The following CALN1 variants were observed in gnomAD, a reference collection of about 807,000 sequenced individuals.
The protein encoded by CALN1 is calneuron 1.
A neutral mutation model predicts 30.6 loss-of-function variants in CALN1; 17 were observed. The ratio of observed to expected loss-of-function variants is 0.56; its 90% CI spans 0.38 to 0.83. The LOEUF is 0.83. CALN1 is among the 40% of genes least tolerant of loss of function. The pLI is 0.00. For missense variants in CALN1, 291 were observed against 354.9 expected (o/e 0.82, Z 1.45); for synonymous variants, 156 against 131.4 (o/e 1.19, Z -1.28).
rs984963903 is a variant in CALN1 at position 72,184,409 on chromosome 7, C to T, written c.245-78115G>A. Among the ~76,000 whole-genome samples the T allele has an allele frequency of 3.9e-5, 6 of 152,208 alleles. No individual in the cohort carries two copies. The East Asian group carries it at 1.2e-3, about 29-fold the overall frequency. ...TGTTGTAAGCATTCTATGTGTGATA[C>T]ACGAATTTGTATTTTCATATTTATG... On this transcript the variant is annotated intron_variant, in intron 3 of 6. Coordinates refer to ENST00000395275, the MANE Select transcript of CALN1 (RefSeq NM_031468.4).
the CALN1 span, among the ~76,000 whole-genome samples, chr7:72,492,619 G>T: frequency 6.6e-6 from 1 of 152,222 alleles, no homozygotes; most frequent in Non-Finnish European, 1.5e-5. Context: ...GCAGGGCTGT[G>T]GGGGCACCAT....
chr7:72,348,397 T>A lies in CALN1; in HGVS notation c.119+54854A>T, dbSNP rs1050886025. 8.5e-5 allele frequency among the ~76,000 whole-genome samples: 13 copies of A among 152,260 alleles called. No individual in the cohort carries two copies. The East Asian group carries it at 9.6e-4, about 11-fold the overall frequency. On this transcript the variant is annotated intron_variant, in intron 2 of 6. Coordinates refer to ENST00000395275, the MANE Select transcript of CALN1 (RefSeq NM_031468.4). ...ACAGAACACAGGGGTCTCACTAAAT[T>A]GAGGGATCAGAGTTCATGAAGGCTT...
At chr7:71,799,159 C>T (rs2116028067) in intron 6 of CALN1, among the ~76,000 whole-genome samples, 1 of 152,316 alleles carries the variant, frequency 6.6e-6, no homozygotes, top group Non-Finnish European at 1.5e-5. Flanking sequence ...ACTTCCAGTG[C>T]TTACTAATAT....
chr7:72,495,407 C>G, the CALN1 span, among the ~76,000 whole-genome samples: 9 of 152,306 alleles, frequency 5.9e-5, no homozygotes, highest in East Asian at 1.7e-3. Flanking sequence ...ATAGCAACCA[C>G]GGTCCTTCAG....
At chr7:72,363,143 T>C (rs1035937019) in intron 2 of CALN1, among the ~76,000 whole-genome samples, 2 of 152,218 alleles carry the variant, frequency 1.3e-5, no homozygotes, top group African/African-American at 2.4e-5. Flanking sequence ...ATTAAAAATA[T>C]TAGTTATTTT....
chr7:72,395,357 G>GCACACACACA (rs368564724), intron 2 of CALN1, among the ~76,000 whole-genome samples: 1 of 150,170 alleles, frequency 6.7e-6, no homozygotes, highest in African/African-American at 2.4e-5. Context: ...GCGCACGCGC[G>GCACACACACA]CGCACACACA....
At chr7:71,938,090 A>G (rs918865079) in intron 5 of CALN1, among the ~76,000 whole-genome samples, 1 of 152,340 alleles carries the variant, frequency 6.6e-6, no homozygotes, top group African/African-American at 2.4e-5. Flanking sequence ...GCAAGTTCCC[A>G]AGAGTATCAG....
intron 3 of CALN1, among the ~76,000 whole-genome samples, chr7:72,210,730 G>T (rs745586472): frequency 2.6e-5 from 4 of 151,988 alleles, no homozygotes; most frequent in Non-Finnish European, 2.9e-5. Context: ...CCTCCACCTG[G>T]TCTCTCCCTT....
intron 2 of CALN1, among the ~76,000 whole-genome samples, chr7:72,291,286 C>A (rs1400556275): frequency 6.6e-6 from 1 of 152,182 alleles, no homozygotes. Context: ...ATTTCCATTT[C>A]TGAAGGCACT....
intron 2 of CALN1, among the ~76,000 whole-genome samples, chr7:72,343,266 G>C (rs543208451): frequency 6.6e-6 from 1 of 152,202 alleles, no homozygotes; most frequent in Admixed American, 6.5e-5. Flanking sequence ...ATTGCTGCCT[G>C]TCAATGGTCA....
intron 3 of CALN1, among the ~76,000 whole-genome samples, chr7:72,146,701 C>A (rs1157595640): frequency 6.6e-6 from 1 of 152,196 alleles, no homozygotes; most frequent in Non-Finnish European, 1.5e-5. Context: ...AGGCATCACA[C>A]TACCTGACTT....
At chr7:71,836,028 G>A (rs774882690) in intron 5 of CALN1, among the ~76,000 whole-genome samples, 8 of 152,158 alleles carry the variant, frequency 5.3e-5, no homozygotes, top group East Asian at 1.9e-4. Flanking sequence ...AGAGGCAATC[G>A]GTCATGACCT....
chr7:72,469,070 T>C, the CALN1 span, among the ~76,000 whole-genome samples: 31 of 152,328 alleles, frequency 2.0e-4, no homozygotes, highest in Non-Finnish European at 4.0e-4. Context: ...TAAAGTTGAA[T>C]GTTTCTATTT....
chr7:71,951,309 C>T lies in CALN1; in HGVS notation c.501+72348G>A, dbSNP rs369900514. Among the ~76,000 whole-genome samples the T allele has an allele frequency of 8.4e-4, 128 of 152,160 alleles. 1 individual carries two copies. Among genetic ancestry groups the T allele is most frequent in the African/African-American group, 2.7e-3 (111 of 41,548 alleles). On this transcript the variant is annotated intron_variant, in intron 5 of 6. Coordinates refer to ENST00000395275, the MANE Select transcript of CALN1 (RefSeq NM_031468.4). ...TACTTACAGTAAAGAATAGCAGAAACGGCCGGGCGCATGGCTCATGCCTGT... is the reference window on the plus strand; with the variant it reads ...TACTTACAGTAAAGAATAGCAGAAATGGCCGGGCGCATGGCTCATGCCTGT...
the CALN1 span, among the ~76,000 whole-genome samples, chr7:72,474,857 G>A: frequency 6.6e-6 from 1 of 152,182 alleles, no homozygotes; most frequent in South Asian, 2.1e-4. Flanking sequence ...TAAACACACT[G>A]GCCTCTTCCA....
chr7:72,299,786 C>T (rs991250557), intron 2 of CALN1, among the ~76,000 whole-genome samples: 6 of 150,478 alleles, frequency 4.0e-5, no homozygotes, highest in South Asian at 2.1e-4. Flanking sequence ...CCTCCTGCCT[C>T]GACCTCCCAA....
chr7:72,431,081 C>T (rs1807960387), intron 1 of CALN1, among the ~76,000 whole-genome samples: 1 of 151,560 alleles, frequency 6.6e-6, no homozygotes, highest in African/African-American at 2.4e-5. Context: ...AGGCCTGTGC[C>T]ACCACACCCG....
chr7:72,386,896 G>A (rs1311528847), intron 2 of CALN1, among the ~76,000 whole-genome samples: 1 of 151,990 alleles, frequency 6.6e-6, no homozygotes, highest in Non-Finnish European at 1.5e-5. Context: ...GTTACATCTA[G>A]AAGTATAGAT....
At chr7:72,451,768 G>C (rs1220933264), upstream of CALN1, among the ~76,000 whole-genome samples, 1 of 151,922 alleles carries the variant, frequency 6.6e-6, no homozygotes, top group African/African-American at 2.4e-5. Flanking sequence ...CTTGTGTTAT[G>C]TATTTGTCAT....
Sources: gnomAD v4.1 joint callset for allele counts (sites outside exome capture counted in the v4.1 genomes callset) on GRCh38, gnomAD v4.1.1 for gene constraint, MANE v1.5 for transcripts, NCBI Gene and HGNC (gene_info 2026-07-23, HGNC 2026-07-21) for gene names.